The following TSPAN15 variants were observed in gnomAD, a reference collection of about 807,000 sequenced individuals.
The protein encoded by TSPAN15 is tetraspanin 15.
A neutral mutation model predicts 34.5 loss-of-function variants in TSPAN15; 20 were observed. The ratio of observed to expected loss-of-function variants is 0.58; its 90% CI spans 0.41 to 0.84. TSPAN15 has a LOEUF of 0.84. Ranked by LOEUF, TSPAN15 falls within the 40% of genes least tolerant of loss-of-function variation. The pLI, the probability that TSPAN15 is intolerant of heterozygous loss-of-function variation, is 0.00. For missense variants in TSPAN15, 313 were observed against 386.1 expected, an observed-to-expected ratio of 0.81 and a Z score of 1.59; for synonymous variants, 155 against 153.9, an observed-to-expected ratio of 1.01 and a Z score of -0.05.
Position 69,460,124 on chromosome 10 carries a change from G to A in TSPAN15, c.96+8434G>A, listed in dbSNP as rs143002784. The stretch of plus-strand genomic sequence containing the variant: ...GCTCCTTTGCCCCTGGGGGTACTCA[G>A]CCTGCCTAGAACAGATGGCTATGGA... On this transcript the variant is annotated intron_variant, in intron 1 of 7. Coordinates refer to ENST00000373290, the MANE Select transcript of TSPAN15 (RefSeq NM_012339.5). Among the ~76,000 whole-genome samples, 9 of 152,018 alleles carry A rather than the reference G, an allele frequency of 5.9e-5. No homozygotes were observed. The East Asian group carries it at 1.8e-3, about 30-fold the overall frequency.
intron 1 of TSPAN15, among the ~76,000 whole-genome samples, chr10:69,482,944 A>G (rs1841767369): frequency 6.6e-6 from 1 of 151,732 alleles, no homozygotes; most frequent in Admixed American, 6.6e-5. Flanking sequence ...TTAGAAGTCC[A>G]AGATCAAGGT....
At position 69,504,463 on chromosome 10, in the gene TSPAN15, G is replaced by C. The variant is rs1842282242; in HGVS notation, c.596G>C (p.Gly199Ala). Reference sequence around the variant, plus strand: ...ACAGAAGTTGTCAACACCATGTGTGGCTACAAAACTATCGACAAGGAGGTA... The same window carrying C: ...ACAGAAGTTGTCAACACCATGTGTGCCTACAAAACTATCGACAAGGAGGTA... ...NTTEVVNTMC[G>A]YKTIDKERFS... is the part of the protein sequence containing the mutation. The change falls in exon 6 of 8, where the codon GGC becomes GCC. Residue 199 changes from glycine (G) to alanine (A), a missense_variant. Transcript: ENST00000373290. 1 of 1,613,968 alleles carries C rather than the reference G, an allele frequency of 6.2e-7. No homozygotes were observed.
At chr10:69,451,767 G>C (rs1007608105) in intron 1 of TSPAN15, 77 bp downstream of exon 1, 2 of 1,216,496 alleles carry the variant, frequency 1.6e-6, no homozygotes, top group Non-Finnish European at 2.2e-6. Context: ...CCCGGGGTTG[G>C]GTCCACACTT....
At chr10:69,526,620 C>G in the TSPAN15 span, among the ~76,000 whole-genome samples, 1 of 147,240 alleles carries the variant, frequency 6.8e-6, no homozygotes, top group Non-Finnish European at 1.5e-5. Flanking sequence ...TAGTGAGACC[C>G]TGTCTCTACA....
chr10:69,494,928 C>T (rs1057161695), intron 3 of TSPAN15: 14 of 940,894 alleles, frequency 1.5e-5, no homozygotes, highest in African/African-American at 5.3e-5. Flanking sequence ...GAAAGCGCAG[C>T]GTGACTGGGA....
the TSPAN15 span, among the ~76,000 whole-genome samples, chr10:69,526,638 AAGTT>A: frequency 6.8e-6 from 1 of 147,276 alleles, no homozygotes; most frequent in African/African-American, 2.5e-5. Flanking sequence ...ACAAAAATAA[AAGTT>A]AGCCCAGTGT....
At chr10:69,518,476 T>G in the TSPAN15 span, among the ~76,000 whole-genome samples, 1 of 152,222 alleles carries the variant, frequency 6.6e-6, no homozygotes, top group Admixed American at 6.5e-5. Context: ...TAAGGTGGAG[T>G]GCAGTGATGT....
chr10:69,495,668 C>G lies in TSPAN15; in HGVS notation c.432C>G (p.Ile144Met), dbSNP rs1842064522. The change falls in exon 4 of 8, where the codon ATC becomes ATG. Residue 144 changes from isoleucine to methionine, a missense_variant. Ile to Met is a conservative substitution (Grantham distance 10). Coordinates refer to ENST00000373290, the MANE Select transcript of TSPAN15 (RefSeq NM_012339.5). Reference protein sequence around the residue: ...NYYDDLDFKNIMDFVQKKFKC... With the variant: ...NYYDDLDFKNMMDFVQKKFKC... ...ATGATGATCTGGACTTCAAAAACAT[C>G]ATGGACTTTGTTCAGAAAAAGGTGA... The G allele has an allele frequency of 6.2e-7, 1 of 1,613,824 alleles. No homozygotes were observed. Among genetic ancestry groups the G allele is most frequent in the Non-Finnish European group, 8.5e-7 (1 of 1,179,806 alleles).
intron 5 of TSPAN15, among the ~76,000 whole-genome samples, chr10:69,500,738 C>T (rs987146995): frequency 6.6e-6 from 1 of 152,208 alleles, no homozygotes; most frequent in African/African-American, 2.4e-5. Context: ...CTGATTTAAA[C>T]ATTAGCCTCA....
At chr10:69,544,972 A>C in the TSPAN15 span, among the ~76,000 whole-genome samples, 1 of 152,246 alleles carries the variant, frequency 6.6e-6, no homozygotes, top group South Asian at 2.1e-4. Flanking sequence ...CCTCTCCCCC[A>C]GCCGACTGAA....
the TSPAN15 span, among the ~76,000 whole-genome samples, chr10:69,519,488 A>G: frequency 6.6e-6 from 1 of 152,164 alleles, no homozygotes; most frequent in Non-Finnish European, 1.5e-5. Context: ...CTAGAAAGAG[A>G]TATATCAAAT....
chr10:69,508,087 C>A (rs1020730682), downstream of TSPAN15, among the ~76,000 whole-genome samples: 1 of 152,082 alleles, frequency 6.6e-6, no homozygotes, highest in Non-Finnish European at 1.5e-5. Flanking sequence ...CTCAAACCTT[C>A]GGGCCAGAAG....
intron 1 of TSPAN15, among the ~76,000 whole-genome samples, chr10:69,457,597 A>G (rs2133058541): frequency 6.6e-6 from 1 of 152,296 alleles, no homozygotes; most frequent in Admixed American, 6.5e-5. Context: ...TGCCAGAGGC[A>G]ATAGGAACTC....
chr10:69,487,015 T>A (rs765854743), intron 3 of TSPAN15, among the ~76,000 whole-genome samples: 1 of 151,664 alleles, frequency 6.6e-6, no homozygotes, highest in Non-Finnish European at 1.5e-5. Flanking sequence ...AGATCTTTAT[T>A]CCATTTGCCC....
intron 1 of TSPAN15, among the ~76,000 whole-genome samples, chr10:69,456,805 G>T (rs1374679675): frequency 6.6e-6 from 1 of 152,198 alleles, no homozygotes; most frequent in East Asian, 1.9e-4. Flanking sequence ...CAGTCTGTAA[G>T]TCCCTATGAT....
intron 1 of TSPAN15, among the ~76,000 whole-genome samples, chr10:69,471,551 T>TTCTCTCTCTCTCTC (rs111306890): frequency 1.3e-5 from 2 of 151,076 alleles, no homozygotes; most frequent in African/African-American, 4.9e-5. Context: ...CTTTCTTTCT[T>TTCTCTCTCTCTCTC]TCTCTCTCAC....
chr10:69,488,737 G>T (rs567096956), intron 3 of TSPAN15, among the ~76,000 whole-genome samples: 12 of 152,222 alleles, frequency 7.9e-5, no homozygotes, highest in African/African-American at 2.9e-4. Context: ...ACAGGGAGTA[G>T]GTCACAAAGA....
At chr10:69,510,947 C>T (rs1414579304), downstream of TSPAN15, among the ~76,000 whole-genome samples, 1 of 152,146 alleles carries the variant, frequency 6.6e-6, no homozygotes, top group Non-Finnish European at 1.5e-5. Context: ...GGTAGATAAG[C>T]TTTTTGATGT....
chr10:69,530,812 CTCTCTCTCTATATATATATATATATATA>C, the TSPAN15 span, among the ~76,000 whole-genome samples: 3 of 66,718 alleles, frequency 4.5e-5, no homozygotes, highest in African/African-American at 1.2e-4. Flanking sequence ...CTCTCTCTCT[CTCTCTCTCTATATATATATATATATATA>C]TATATATATA....
Sources: gnomAD v4.1 joint callset for allele counts (sites outside exome capture counted in the v4.1 genomes callset) on GRCh38, gnomAD v4.1.1 for gene constraint, MANE v1.5 for transcripts, NCBI Gene and HGNC (gene_info 2026-07-23, HGNC 2026-07-21) for gene names.